The following TAS1R1 variants were observed in gnomAD, a reference collection of about 807,000 sequenced individuals.
The protein encoded by TAS1R1 is taste receptor type 1 member 1.
Under a neutral mutation model 45.8 loss-of-function variants are expected in TAS1R1, and 31 were observed. The observed-to-expected ratio is 0.68, with a 90% confidence interval of 0.51 to 0.91. The LOEUF is 0.91. Among genes scored for constraint, TAS1R1 ranks in the 40% least tolerant of loss-of-function variants. TAS1R1 has a pLI of 0.00. For synonymous variants in TAS1R1, 437 were observed against 448.4 expected (o/e 0.97, Z 0.32); for missense variants, 1,051 against 1,063.9 (o/e 0.99, Z 0.17).
intron 1 of TAS1R1, among the ~76,000 whole-genome samples, chr1:6,563,356 C>T (rs1171847116): frequency 1.3e-5 from 2 of 152,188 alleles, no homozygotes; most frequent in Non-Finnish European, 2.9e-5. Flanking sequence ...GTGCCGGCGG[C>T]CACAGGGCCG....
At chr1:6,555,866 C>CCTTTTT (rs1553185410) in intron 1 of TAS1R1, among the ~76,000 whole-genome samples, 4,224 of 95,178 alleles carry the variant, frequency 0.044, 321 homozygotes, top group East Asian at 0.19. Context: ...TTTCCCTCTT[C>CCTTTTT]TTTTTTTTTT....
chr1:6,561,094 G>A (rs1465658429), intron 1 of TAS1R1, among the ~76,000 whole-genome samples: 2 of 152,014 alleles, frequency 1.3e-5, no homozygotes, highest in Admixed American at 1.3e-4. Context: ...ATGGGTGAAG[G>A]CTCTAATATG....
In TAS1R1 at chr1:6,555,695, T is replaced by A. The variant is rs559253811; in HGVS notation, c.191+131T>A. On this transcript the variant is annotated intron_variant, in intron 1 of 5. Transcript: ENST00000333172. ...ACTGTCCCCAGGCCTTGTTCATCAA[T>A]CCACTTGCCACCTAAGTGCTGGCTA... 4 of 836,998 alleles carry A rather than the reference T, an allele frequency of 4.8e-6. No individual in the cohort carries two copies. The African/African-American group carries it at 6.8e-5, about 14-fold the overall frequency. 51.8% of individuals were successfully genotyped at this position (836,998 alleles called of 1,614,324 possible). A position where few individuals can be genotyped will look rare whatever the true frequency, so the allele number is the denominator to read the frequency against.
intron 1 of TAS1R1, among the ~76,000 whole-genome samples, chr1:6,558,284 C>CA (rs1375534334): frequency 6.6e-6 from 1 of 152,118 alleles, no homozygotes; most frequent in African/African-American, 2.4e-5. Flanking sequence ...GCAGTCCTCT[C>CA]ACAGTGCTAG....
Position 6,574,701 on chromosome 1 carries a change from C to G in TAS1R1, c.569C>G (p.Pro190Arg). 1 of 1,614,244 alleles carries G rather than the reference C, an allele frequency of 6.2e-7. No individual in the cohort carries two copies. The highest frequency in any genetic ancestry group is 1.3e-5 in the African/African-American group (1 of 75,076). Residue 190 changes from proline to arginine, a missense_variant, in exon 3 of 6, where the codon CCC (proline) becomes CGC (arginine). Coordinates refer to ENST00000333172, the MANE Select transcript of TAS1R1 (RefSeq NM_138697.4). The surrounding 1 kb of genome is among the most constrained non-coding windows in gnomAD (Gnocchi z 4.3). Reference protein sequence around the residue: ...RQYPSFLRTIPNDKYQVETMV... With the variant: ...RQYPSFLRTIRNDKYQVETMV... ...TATCCCTCTTTCCTGCGCACCATCC[C>G]CAATGACAAGTACCAGGTGGAGACC...
At chr1:6,557,428 GTTTA>G (rs140580599) in intron 1 of TAS1R1, among the ~76,000 whole-genome samples, 114 of 152,192 alleles carry the variant, frequency 7.5e-4, no homozygotes, top group African/African-American at 2.7e-3. Context: ...GTATTTGTTT[GTTTA>G]TTTGTTTATT....
rs1363267994 is a variant in TAS1R1 at position 6,574,741 on chromosome 1, G to A, written c.609G>A (p.Leu203=). 4 of 1,614,270 alleles carry A rather than the reference G, an allele frequency of 2.5e-6. No individual in the cohort carries two copies. The South Asian group carries it at 3.3e-5, about 13-fold the overall frequency. ...AGGTGGAGACCATGGTGCTGCTGCT[G>A]CAGAAGTTCGGGTGGACCTGGATCT... ...KYQVETMVLL[L]QKFGWTWISL... Residue 203 remains leucine (L), a synonymous_variant, in exon 3 of 6, where the codon CTG becomes CTA. Transcript: ENST00000333172. The surrounding 1 kb of genome is among the most constrained non-coding windows in gnomAD (Gnocchi z 4.3).
At chr1:6,565,932 T>G (rs1045158196) in intron 1 of TAS1R1, among the ~76,000 whole-genome samples, 1 of 152,294 alleles carries the variant, frequency 6.6e-6, no homozygotes, top group South Asian at 2.1e-4. Flanking sequence ...AGGCTACCCA[T>G]GCCAGGGTCA....
intron 4 of TAS1R1, 88 bp from the exon 5 acceptor site, chr1:6,576,862 C>A: frequency 6.3e-7 from 1 of 1,595,746 alleles, no homozygotes; most frequent in Non-Finnish European, 8.6e-7. Context: ...GCCCTGAGGG[C>A]AGATGCACAG....
At chr1:6,577,529 A>C (rs1285666838) in intron 5 of TAS1R1, among the ~76,000 whole-genome samples, 7 of 143,356 alleles carry the variant, frequency 4.9e-5, no homozygotes, top group African/African-American at 1.3e-4. Context: ...TCGTCCCCCC[A>C]AAAAAAGAAA....
intron 4 of TAS1R1, 127 bp from the exon 5 acceptor site, chr1:6,576,823 C>T (rs1640192494): frequency 1.9e-5 from 28 of 1,511,548 alleles, no homozygotes; most frequent in Non-Finnish European, 2.4e-5. Context: ...CGGAAGTTCA[C>T]ACGACCAGGG....
chr1:6,559,998 C>CAA (rs58759461), intron 1 of TAS1R1, among the ~76,000 whole-genome samples: 17 of 97,854 alleles, frequency 1.7e-4, no homozygotes, highest in African/African-American at 5.6e-4. Context: ...AACTCTGTCT[C>CAA]AAAAAAAAAA....
rs186216960 is a variant in TAS1R1, at chr1:6,568,170, C to A, written c.192-2739C>A. 1.2e-3 allele frequency among the ~76,000 whole-genome samples: 175 copies of A among 152,116 alleles called. 1 individual carries two copies. The highest frequency in any genetic ancestry group is 3.9e-3 in the African/African-American group (163 of 41,482). On this transcript the variant is annotated intron_variant, in intron 1 of 5. Transcript: ENST00000333172. ...TAGGTATTGAGAACAATAGTTCCAG[C>A]CGGGCGCGGTGGTTCACGCCTGTAA...
At chr1:6,575,754 G>A (rs1275739259) in intron 3 of TAS1R1, among the ~76,000 whole-genome samples, 1 of 148,424 alleles carries the variant, frequency 6.7e-6, no homozygotes, top group Non-Finnish European at 1.5e-5. Context: ...ATGCAGTGGT[G>A]CGATCTTGGC....
intron 1 of TAS1R1, 42 bp from the exon 2 acceptor site, chr1:6,570,867 C>A (rs774811116): frequency 1.6e-5 from 24 of 1,548,246 alleles, no homozygotes; most frequent in East Asian, 9.0e-5. Context: ...TCTCAGCAGG[C>A]CTTTGTCCTT....
At chr1:6,561,806 A>G (rs1639794143) in intron 1 of TAS1R1, among the ~76,000 whole-genome samples, 1 of 151,984 alleles carries the variant, frequency 6.6e-6, no homozygotes. Context: ...AGAGACCGTG[A>G]TAGTAGGACA....
In TAS1R1 at chr1:6,575,217, A is replaced by G; in HGVS notation, c.1085A>G (p.Gln362Arg). 6 of 1,613,106 alleles carry G rather than the reference A, an allele frequency of 3.7e-6. No homozygotes were observed. Among genetic ancestry groups the G allele is most frequent in the Non-Finnish European group, 5.1e-6 (6 of 1,179,670 alleles). The change falls in exon 3 of 6, where the codon CAG becomes CGG. Residue 362 changes from glutamine to arginine, a missense_variant. By Grantham distance (43) the Gln-to-Arg change is conservative (BLOSUM62 1). Transcript: ENST00000333172. ...CHKGSWCSSN[Q>R]LCRECQAFMA... The stretch of plus-strand genomic sequence containing the variant: ...AAGGGCTCCTGGTGCAGCAGCAATC[A>G]GCTCTGCAGAGAATGCCAAGCTTTC...
intron 1 of TAS1R1, among the ~76,000 whole-genome samples, chr1:6,562,026 GT>G (rs1020592399): frequency 1.3e-5 from 2 of 152,342 alleles, no homozygotes; most frequent in African/African-American, 4.8e-5. Flanking sequence ...GGATGTGGGG[GT>G]TGAAAGGAAG....
At position 6,576,564 on chromosome 1, in the gene TAS1R1, A is replaced by G. The variant is rs767758419; in HGVS notation, c.1410A>G (p.Thr470=). 27 of 1,614,132 alleles carry G rather than the reference A, an allele frequency of 1.7e-5. No homozygotes were observed. The highest frequency in any genetic ancestry group is 2.3e-5 in the Non-Finnish European group (27 of 1,180,054). The change falls in exon 4 of 6, where the codon ACA becomes ACG. Residue 470 remains threonine, a synonymous_variant. Transcript: ENST00000333172. ...KWTFTVLGSS[T]WSPVQLNINE... is the part of the protein sequence containing the mutation. ...CCTTCACGGTCCTCGGTTCCTCCAC[A>G]TGGTCTCCAGTTCAGCTAAACATAA...
Sources: allele counts gnomAD v4.1 joint callset (sites outside exome capture counted in the v4.1 genomes callset), GRCh38; gene constraint gnomAD v4.1.1; non-coding constraint Gnocchi (gnomAD v3.1); transcripts MANE v1.5; gene names NCBI Gene and HGNC (gene_info 2026-07-23, HGNC 2026-07-21).